Variants in ARPP21 observed in about 807,000 individuals in gnomAD.
The protein encoded by ARPP21 is cAMP-regulated phosphoprotein 21.
A neutral mutation model predicts 113.2 loss-of-function variants in ARPP21; 69 were observed. The observed-to-expected ratio is 0.61, with a 90% confidence interval of 0.50 to 0.74. The LOEUF (loss-of-function observed/expected upper bound fraction) is 0.74. Among genes scored for constraint, ARPP21 ranks in the 30% least tolerant of loss-of-function variants. The pLI is 0.00. For synonymous variants in ARPP21, 368 were observed against 375.5 expected (o/e 0.98, Z 0.23); for missense variants, 1,070 against 1,037.4 (o/e 1.03, Z -0.43).
chr3:35,745,090 T>A (rs2094938272), intron 19 of ARPP21, among the ~76,000 whole-genome samples: 1 of 152,250 alleles, frequency 6.6e-6, no homozygotes, highest in Non-Finnish European at 1.5e-5. Context: ...AGATTTTGTC[T>A]TGTTTCAGCA....
chr3:35,778,817 A>T (rs2096454590), intron 19 of ARPP21, among the ~76,000 whole-genome samples: 1 of 152,192 alleles, frequency 6.6e-6, no homozygotes, highest in Admixed American at 6.5e-5. Flanking sequence ...TACCCACTTC[A>T]CAAAGCACTG....
At chr3:35,641,264 C>T (rs552098877) in intron 1 of ARPP21, among the ~76,000 whole-genome samples, 2 of 152,204 alleles carry the variant, frequency 1.3e-5, no homozygotes, top group Non-Finnish European at 2.9e-5. Context: ...ACAAGAAGGA[C>T]ATTCCCCAAA....
At chr3:35,670,726 G>GA (rs3215209) in intron 1 of ARPP21, among the ~76,000 whole-genome samples, 5 of 151,766 alleles carry the variant, frequency 3.3e-5, no homozygotes, top group Non-Finnish European at 5.9e-5. Context: ...TGGACACATT[G>GA]AAAAAAAAGA....
intron 19 of ARPP21, among the ~76,000 whole-genome samples, chr3:35,770,343 A>G (rs573814696): frequency 6.5e-4 from 99 of 152,336 alleles, no homozygotes; most frequent in Non-Finnish European, 7.5e-4. Flanking sequence ...CAAGATATAT[A>G]TTGGCAAGAT....
At chr3:35,676,646 G>C (rs1290302762) in intron 1 of ARPP21, among the ~76,000 whole-genome samples, 1 of 151,820 alleles carries the variant, frequency 6.6e-6, no homozygotes, top group Non-Finnish European at 1.5e-5. Flanking sequence ...ATTGCATTTT[G>C]GGTGTGTAAT....
chr3:35,712,413 G>A (rs1266453559), intron 11 of ARPP21, among the ~76,000 whole-genome samples: 1 of 152,004 alleles, frequency 6.6e-6, no homozygotes, highest in Non-Finnish European at 1.5e-5. Context: ...AGAAAGTTCA[G>A]AAATACTTCC....
intron 1 of ARPP21, among the ~76,000 whole-genome samples, chr3:35,662,773 G>T (rs1708407119): frequency 6.6e-6 from 1 of 152,130 alleles, no homozygotes; most frequent in Non-Finnish European, 1.5e-5. Context: ...GACCTTGAAG[G>T]GAGAATTGTG....
At chr3:35,664,003 C>T (rs959843574) in intron 1 of ARPP21, among the ~76,000 whole-genome samples, 6 of 152,130 alleles carry the variant, frequency 3.9e-5, no homozygotes, top group Admixed American at 3.9e-4. Flanking sequence ...TCCAGTCGTC[C>T]GTGTTCTTGG....
At chr3:35,688,135 T>C (rs2081155617) in intron 6 of ARPP21, among the ~76,000 whole-genome samples, 1 of 151,594 alleles carries the variant, frequency 6.6e-6, no homozygotes, top group Non-Finnish European at 1.5e-5. Flanking sequence ...ATCTTCTGTT[T>C]TCAGTGACAA....
In ARPP21 at chr3:35,676,061, A is replaced by G. The variant is rs534869361; in HGVS notation, c.-212-3726A>G. Among the ~76,000 whole-genome samples the G allele has an allele frequency of 7.2e-5, 11 of 152,042 alleles. No homozygotes were observed. The South Asian group carries it at 2.3e-3, about 32-fold the overall frequency. On this transcript the variant is annotated intron_variant, in intron 1 of 20. Transcript: ENST00000684406. ...TTCAGGAAGAAAAAAAGATTTTGAA[A>G]TGTGAGATTGTGTTAGTTCCTCTGA...
chr3:35,724,467 A>G (rs1013774495), intron 14 of ARPP21, among the ~76,000 whole-genome samples: 1 of 152,156 alleles, frequency 6.6e-6, no homozygotes, highest in Non-Finnish European at 1.5e-5. Flanking sequence ...AGAATCACCC[A>G]AAGGACTGGT....
chr3:35,718,218 G>C (rs1013520417), intron 13 of ARPP21, among the ~76,000 whole-genome samples: 1 of 152,130 alleles, frequency 6.6e-6, no homozygotes, highest in African/African-American at 2.4e-5. Flanking sequence ...CTCATTATGA[G>C]TAAAATTAAT....
chr3:35,674,316 G>C (rs192082460), intron 1 of ARPP21, among the ~76,000 whole-genome samples: 5 of 151,976 alleles, frequency 3.3e-5, no homozygotes, highest in Admixed American at 2.6e-4. Context: ...TCTTAGAAAA[G>C]TTATATGGTA....
At chr3:35,766,398 G>T (rs1487623113) in intron 19 of ARPP21, among the ~76,000 whole-genome samples, 3 of 152,106 alleles carry the variant, frequency 2.0e-5, no homozygotes, top group Non-Finnish European at 4.4e-5. Context: ...AAACAAAAAA[G>T]AAGAAGAAGG....
At chr3:35,689,789 T>C (rs2081705196) in intron 7 of ARPP21, among the ~76,000 whole-genome samples, 1 of 151,642 alleles carries the variant, frequency 6.6e-6, no homozygotes, top group Non-Finnish European at 1.5e-5. Context: ...ATTTATTTGA[T>C]GGGTTTTTTG....
chr3:35,644,119 T>C (rs575758391), intron 1 of ARPP21, among the ~76,000 whole-genome samples: 5 of 152,018 alleles, frequency 3.3e-5, no homozygotes, highest in East Asian at 1.9e-4. Flanking sequence ...TGTAAGCAAA[T>C]GCTGAAGGAC....
chr3:35,675,893 C>T (rs1387149003), intron 1 of ARPP21, among the ~76,000 whole-genome samples: 2 of 151,774 alleles, frequency 1.3e-5, no homozygotes, highest in Non-Finnish European at 2.9e-5. Flanking sequence ...GTTACATCCA[C>T]AGAACTAGTC....
intron 19 of ARPP21, among the ~76,000 whole-genome samples, chr3:35,770,488 T>C (rs1157518436): frequency 2.0e-5 from 3 of 151,896 alleles, no homozygotes; most frequent in African/African-American, 7.3e-5. Context: ...CATATGGTTC[T>C]TTTCACCACA....
At chr3:35,763,118 G>C (rs2095841465) in intron 19 of ARPP21, among the ~76,000 whole-genome samples, 1 of 152,088 alleles carries the variant, frequency 6.6e-6, no homozygotes, top group East Asian at 1.9e-4. Flanking sequence ...AATAATAATA[G>C]CTCTGTGTGT....
Sources: gnomAD v4.1 joint callset for allele counts (sites outside exome capture counted in the v4.1 genomes callset) on GRCh38, gnomAD v4.1.1 for gene constraint, MANE v1.5 for transcripts, NCBI Gene and HGNC (gene_info 2026-07-23, HGNC 2026-07-21) for gene names.